MTBP: variants seen among roughly 807,000 people sequenced by gnomAD.
MTBP encodes MDM2 binding protein.
Under a neutral mutation model 117.0 loss-of-function variants are expected in MTBP, and 101 were observed. The ratio of observed to expected loss-of-function variants is 0.86; its 90% CI spans 0.73 to 1.02. The LOEUF (loss-of-function observed/expected upper bound fraction) is 1.02. MTBP is among the 50% of genes least tolerant of loss of function. MTBP has a pLI of 0.00. For missense variants in MTBP, 970 were observed against 1,030.9 expected, an observed-to-expected ratio of 0.94 and a Z score of 0.81; for synonymous variants, 350 against 351.5, an observed-to-expected ratio of 1.00 and a Z score of 0.05.
In MTBP at chr8:120,445,565, G is replaced by A. The variant is rs752150076; in HGVS notation, c.95G>A (p.Gly32Asp). The change falls in exon 1 of 22, where the codon GGT becomes GAT. Residue 32 changes from glycine (G) to aspartate (D), a missense_variant. Physicochemically the swap from Gly to Asp is moderately conservative, Grantham distance 94. Transcript: ENST00000305949. ...GAACATGGGCCAGAGGTGTCGTCGG[G>A]TGAGGGTACTGAGAATCAGCCGGGT... ...EAEHGPEVSS[G>D]EGTENQPDFT... The A allele has an allele frequency of 1.2e-6, 2 of 1,612,012 alleles. No individual in the cohort carries two copies. Among genetic ancestry groups the A allele is most frequent in the South Asian group, 2.2e-5 (2 of 90,982 alleles).
chr8:120,482,824 C>T (rs1233814296), intron 11 of MTBP, among the ~76,000 whole-genome samples: 1 of 151,692 alleles, frequency 6.6e-6, no homozygotes, highest in Non-Finnish European at 1.5e-5. Flanking sequence ...CTCAGCCTCC[C>T]GAGTAGCTAA....
intron 11 of MTBP, among the ~76,000 whole-genome samples, chr8:120,483,226 A>G (rs1215412824): frequency 6.6e-6 from 1 of 151,942 alleles, no homozygotes; most frequent in Non-Finnish European, 1.5e-5. Context: ...CCCAGCTGGC[A>G]CTAAGGGCTG....
At chr8:120,501,330 C>G (rs1377872135) in intron 14 of MTBP, among the ~76,000 whole-genome samples, 1 of 152,092 alleles carries the variant, frequency 6.6e-6, no homozygotes, top group Admixed American at 6.5e-5. Flanking sequence ...CCAGTGCACT[C>G]CAGCCTGGGC....
chr8:120,453,874 G>T lies in MTBP; in HGVS notation c.453G>T (p.Leu151Phe). 2 of 1,583,722 alleles carry T rather than the reference G, an allele frequency of 1.3e-6. No individual in the cohort carries two copies. Among genetic ancestry groups the T allele is most frequent in the Non-Finnish European group, 1.7e-6 (2 of 1,162,436 alleles). Reference protein sequence around the residue: ...ADLYEEAAENLHQLSDKLPAP... With the variant: ...ADLYEEAAENFHQLSDKLPAP... ...TCTATGAAGAAGCTGCAGAAAATTT[G>T]CATCAGCTGTCAGACAAGCTTCCTG... Residue 151 changes from leucine (L) to phenylalanine (F), a missense_variant, in exon 5 of 22, where the codon TTG (leucine) becomes TTT (phenylalanine). Transcript: ENST00000305949.
intron 11 of MTBP, among the ~76,000 whole-genome samples, chr8:120,483,037 C>A (rs75554612): frequency 0.018 from 2,553 of 145,860 alleles, 70 homozygotes; most frequent in African/African-American, 0.062. Flanking sequence ...ATTTTAGATT[C>A]TTTTTAAAAT....
At chr8:120,469,821 A>G (rs1371620367) in intron 10 of MTBP, among the ~76,000 whole-genome samples, 1 of 152,244 alleles carries the variant, frequency 6.6e-6, no homozygotes, top group African/African-American at 2.4e-5. Context: ...AAATTTCAAC[A>G]GTGCAAAAAC....
At position 120,516,669 on chromosome 8, in the gene MTBP, A is replaced by AT. The variant is rs565680763; in HGVS notation, c.2246+479dup. 2.3e-3 allele frequency among the ~76,000 whole-genome samples: 355 copies of AT among 152,172 alleles called. 1 individual carries two copies. Among genetic ancestry groups the AT allele is most frequent in the African/African-American group, 7.6e-3 (317 of 41,556 alleles). Reference sequence around the variant, plus strand: ...GATAGAATATATGAAACTTTTCTGGATGCGTTAGTTTGCTAACTAAATGAA... The same window carrying AT: ...GATAGAATATATGAAACTTTTCTGGATTGCGTTAGTTTGCTAACTAAATGAA... On this transcript the variant is annotated intron_variant, in intron 18 of 21. Coordinates refer to ENST00000305949, the MANE Select transcript of MTBP (RefSeq NM_022045.5).
intron 14 of MTBP, among the ~76,000 whole-genome samples, chr8:120,502,256 T>C (rs1191966695): frequency 6.6e-6 from 1 of 152,204 alleles, no homozygotes; most frequent in African/African-American, 2.4e-5. Flanking sequence ...TTGTGAATTT[T>C]AGCTTATGAC....
At chr8:120,487,068 G>A (rs1243757582) in intron 11 of MTBP, among the ~76,000 whole-genome samples, 1 of 152,130 alleles carries the variant, frequency 6.6e-6, no homozygotes, top group Non-Finnish European at 1.5e-5. Context: ...TTGATTCCCT[G>A]ATAATCAATC....
Position 120,463,673 on chromosome 8 carries a change from C to G in MTBP, c.978-19C>G. The G allele has an allele frequency of 6.4e-7, 1 of 1,573,558 alleles. No homozygotes were observed. The highest frequency in any genetic ancestry group is 8.7e-7 in the Non-Finnish European group (1 of 1,155,046). ...TTTCATGGGTACCATTACATCATTT[C>G]TTTAACTCCTTAGTACAGAGGATTG... On this transcript the variant is annotated intron_variant, in intron 9 of 21. Coordinates refer to ENST00000305949, the MANE Select transcript of MTBP (RefSeq NM_022045.5).
At chr8:120,475,013 T>TA (rs1178149863) in intron 11 of MTBP, among the ~76,000 whole-genome samples, 1 of 152,054 alleles carries the variant, frequency 6.6e-6, no homozygotes, top group East Asian at 1.9e-4. Flanking sequence ...ATCGAGCACT[T>TA]ACAATATATT....
At chr8:120,521,947 C>T (rs1269263444) in intron 20 of MTBP, among the ~76,000 whole-genome samples, 1 of 3,630 alleles carries the variant, frequency 2.8e-4, no homozygotes, top group Non-Finnish European at 7.3e-4. Flanking sequence ...TGGATGCTCA[C>T]GGTGGAGGGT....
intron 17 of MTBP, 136 bp from the exon 18 acceptor site, chr8:120,515,789 C>A: frequency 1.3e-6 from 1 of 779,184 alleles, no homozygotes; most frequent in Non-Finnish European, 2.0e-6. Flanking sequence ...ATAGGCCAGC[C>A]ACTCAACCTT....
chr8:120,450,615 A>G (rs971940224), intron 2 of MTBP, among the ~76,000 whole-genome samples: 1 of 152,166 alleles, frequency 6.6e-6, no homozygotes, highest in East Asian at 1.9e-4. Flanking sequence ...ACCAACCTGC[A>G]TAGTCTTTGG....
rs186874708 is a variant in MTBP at position 120,497,704 on chromosome 8, G to A, written c.1609+150G>A. On this transcript the variant is annotated intron_variant, in intron 14 of 21. Transcript: ENST00000305949. ...TACTTATATAGATACAAGTATGTAT[G>A]TATATGTGATGAACTGTATTACTCA... 1.4e-3 allele frequency: 787 copies of A among 550,000 alleles called. 5 individuals are homozygous for A. Among genetic ancestry groups the A allele is most frequent in the African/African-American group, 0.014 (720 of 51,246 alleles). 34.1% of individuals were successfully genotyped at this position (550,000 alleles called of 1,614,324 possible). A position where few individuals can be genotyped will look rare whatever the true frequency, so the allele number is the denominator to read the frequency against.
At position 120,465,655 on chromosome 8, in the gene MTBP, C is replaced by CTTTTT. The variant is rs10663319; in HGVS notation, c.1047+1912_1047+1916dup. On this transcript the variant is annotated intron_variant, in intron 10 of 21. Coordinates refer to ENST00000305949, the MANE Select transcript of MTBP (RefSeq NM_022045.5). ...GAAATTTGTAGAAATCTTATAGAGA[C>CTTTTT]TTTTTTTTTTTTTTTTTTTTTTGAG... Among the ~76,000 whole-genome samples the CTTTTT allele has an allele frequency of 7.6e-4, 77 of 101,670 alleles. 1 individual carries two copies. The highest frequency in any genetic ancestry group is 9.6e-4 in the East Asian group (3 of 3,136). 66.7% of individuals were successfully genotyped at this position (101,670 alleles called of 152,430 possible).
At chr8:120,475,528 G>A (rs558223920) in intron 11 of MTBP, among the ~76,000 whole-genome samples, 1 of 151,908 alleles carries the variant, frequency 6.6e-6, no homozygotes, top group South Asian at 2.1e-4. Context: ...TGAACCATCT[G>A]ATGTTTTTTT....
At chr8:120,522,935 A>G (rs1251548197) in intron 21 of MTBP, among the ~76,000 whole-genome samples, 2 of 152,146 alleles carry the variant, frequency 1.3e-5, no homozygotes, top group African/African-American at 4.8e-5. Flanking sequence ...TTCTAAAGTG[A>G]CACTAAGAAA....
chr8:120,451,014 G>A lies in MTBP; in HGVS notation c.211G>A (p.Gly71Arg), dbSNP rs770527047. ...GTTTTATTTTCAAGCCTGTTCAGTG[G>A]GAGGTATACCTGGTTCCAAGAAGTG... is the stretch of plus-strand genomic sequence containing the variant. ...EDSTFPACSV[G>R]GIPGSKKWFF... is the part of the protein sequence containing the mutation. The change falls in exon 3 of 22, where the codon GGA (glycine) becomes AGA (arginine). Residue 71 changes from glycine to arginine, a missense_variant. Coordinates refer to ENST00000305949, the MANE Select transcript of MTBP (RefSeq NM_022045.5). 2 of 1,610,810 alleles carry A rather than the reference G, an allele frequency of 1.2e-6. No homozygotes were observed. Among genetic ancestry groups the A allele is most frequent in the South Asian group, 2.2e-5 (2 of 90,256 alleles).
Sources: allele counts gnomAD v4.1 joint callset (sites outside exome capture counted in the v4.1 genomes callset), GRCh38; gene constraint gnomAD v4.1.1; transcripts MANE v1.5; gene names NCBI Gene and HGNC (gene_info 2026-07-23, HGNC 2026-07-21).